Variants in TLDC2 observed in about 807,000 individuals in gnomAD.
TLDC2 encodes the protein TBC/LysM-associated domain containing 2, also known as TLD domain-containing protein 2.
TLDC2 carries 23 observed loss-of-function variants against 27.9 expected under a neutral mutation model. The ratio of observed to expected loss-of-function variants is 0.82; its 90% CI spans 0.59 to 1.17. The LOEUF is 1.17. Among genes scored for constraint, TLDC2 ranks in the 50% most tolerant of loss-of-function variants. TLDC2 has a pLI of 0.00. For synonymous variants in TLDC2, 124 were observed against 107.4 expected (o/e 1.16, Z -0.96); for missense variants, 286 against 273.4 (o/e 1.05, Z -0.32).
At position 36,893,042 on chromosome 20, in the gene TLDC2, T is replaced by TGAGTGGG; in HGVS notation, c.*200_*206dup. 6.2e-7 allele frequency: 1 copy of TGAGTGGG among 1,613,784 alleles called. No homozygotes were observed. Among genetic ancestry groups the TGAGTGGG allele is most frequent in the East Asian group, 2.2e-5 (1 of 44,882 alleles). On this transcript the variant is annotated 3_prime_UTR_variant, in exon 7 of 7. Transcript: ENST00000217320. ...TTCCATTCCTTTTTTTGAGGTGTTATGAGTGGGGCTATAACATCGCCATCC... is the reference window on the plus strand; with the variant it reads ...TTCCATTCCTTTTTTTGAGGTGTTATGAGTGGGGAGTGGGGCTATAACATCGCCATCC...
intron 4 of TLDC2, among the ~76,000 whole-genome samples, chr20:36,886,090 C>G (rs1261933881): frequency 2.6e-5 from 4 of 152,240 alleles, no homozygotes; most frequent in African/African-American, 9.6e-5. Flanking sequence ...GAGAGAAAAT[C>G]AGGGGTTAGA....
At chr20:36,892,789 A>C in intron 6 of TLDC2, 73 bp from the exon 7 acceptor site, 1 of 1,053,028 alleles carries the variant, frequency 9.5e-7, no homozygotes, top group South Asian at 1.3e-5. Context: ...TCTTTGATTA[A>C]AAGTTACTTA....
intron 4 of TLDC2, among the ~76,000 whole-genome samples, chr20:36,881,498 G>A (rs1379139856): frequency 6.6e-6 from 1 of 152,190 alleles, no homozygotes; most frequent in Non-Finnish European, 1.5e-5. Context: ...CACCGGAGCA[G>A]CAGAAGCGCC....
At chr20:36,883,281 C>T (rs1197592596) in intron 4 of TLDC2, among the ~76,000 whole-genome samples, 1 of 152,026 alleles carries the variant, frequency 6.6e-6, no homozygotes, top group African/African-American at 2.4e-5. Flanking sequence ...GGACTCCAGG[C>T]ACATGCCACC....
intron 4 of TLDC2, among the ~76,000 whole-genome samples, chr20:36,883,407 T>C (rs1021143635): frequency 6.6e-6 from 1 of 151,984 alleles, no homozygotes; most frequent in East Asian, 1.9e-4. Context: ...AAAGTGCTGG[T>C]ATTACAGACA....
chr20:36,882,665 G>C (rs1268064630), intron 4 of TLDC2, among the ~76,000 whole-genome samples: 1 of 152,170 alleles, frequency 6.6e-6, no homozygotes, highest in Non-Finnish European at 1.5e-5. Context: ...ATGACAGGGA[G>C]TTCACAAGGA....
At chr20:36,892,145 C>G (rs886232761) in intron 6 of TLDC2, 1 of 152,308 alleles carries the variant, frequency 6.6e-6, no homozygotes, top group African/African-American at 2.4e-5. Context: ...CAACAAGAGG[C>G]GGCTTTATGT....
Position 36,892,933 on chromosome 20 carries a change from C to G in TLDC2, c.*89C>G. On this transcript the variant is annotated 3_prime_UTR_variant, in exon 7 of 7. Coordinates refer to ENST00000217320, the MANE Select transcript of TLDC2 (RefSeq NM_080628.3). ...TTGTAAACAACTGACTACAGACATT[C>G]ACATTGGGTCATCTTTAAAAAGCTG... 6.2e-7 allele frequency: 1 copy of G among 1,613,896 alleles called. No homozygotes were observed. Among genetic ancestry groups the G allele is most frequent in the Non-Finnish European group, 8.5e-7 (1 of 1,180,024 alleles).
rs780606650 is a variant in TLDC2 at position 36,877,973 on chromosome 20, C to G, written c.108C>G (p.Asp36Glu). The G allele has an allele frequency of 4.3e-6, 7 of 1,614,028 alleles. No homozygotes were observed. The highest frequency in any genetic ancestry group is 3.3e-5 in the South Asian group (3 of 91,090). Residue 36 changes from aspartate to glutamate, a missense_variant, in exon 2 of 7, where the codon GAC (aspartate) becomes GAG (glutamate). By Grantham distance (45) the Asp-to-Glu change is conservative (BLOSUM62 2). Transcript: ENST00000217320. ...AAGAGGAGGAGGAGGCAGCTCCAGA[C>G]CCAGCTGCTGCTCCTGAGGATCCCA... ...EEEEEEEAAPDPAAAPEDPTV... is the reference protein window; with the variant it reads ...EEEEEEEAAPEPAAAPEDPTV...
chr20:36,880,071 A>ATATATATATATATATATT (rs1491421336), intron 3 of TLDC2, among the ~76,000 whole-genome samples: 1 of 32,404 alleles, frequency 3.1e-5, no homozygotes, highest in Non-Finnish European at 5.1e-5. Context: ...ATATATATAC[A>ATATATATATATATATATT]TATATATATA....
At chr20:36,889,444 C>T in intron 6 of TLDC2, 41 bp downstream of exon 6, 1 of 1,586,510 alleles carries the variant, frequency 6.3e-7, no homozygotes, top group Non-Finnish European at 8.6e-7. Context: ...GCCTTCCTGA[C>T]ACACAGCAGC....
intron 2 of TLDC2, 86 bp from the exon 3 acceptor site, chr20:36,878,955 G>C: frequency 6.3e-7 from 1 of 1,595,834 alleles, no homozygotes. Context: ...TGTGCTGGAT[G>C]CATGCTAGCT....
At chr20:36,881,446 G>A (rs1023386816) in intron 4 of TLDC2, among the ~76,000 whole-genome samples, 60 of 152,226 alleles carry the variant, frequency 3.9e-4, no homozygotes, top group Middle Eastern at 3.4e-3. Flanking sequence ...CCGGTATCGC[G>A]GTCATCACAG....
chr20:36,881,590 C>T (rs938119688), intron 4 of TLDC2, among the ~76,000 whole-genome samples: 4 of 152,138 alleles, frequency 2.6e-5, no homozygotes, highest in African/African-American at 9.7e-5. Context: ...CGCAGGCCTG[C>T]AGAGGGGACA....
chr20:36,890,919 A>G (rs1170635132), intron 6 of TLDC2: 1 of 152,262 alleles, frequency 6.6e-6, no homozygotes, highest in Non-Finnish European at 1.5e-5. Context: ...CAATGATACA[A>G]TATTAGGACT....
rs372293425 is a variant in TLDC2, at chr20:36,877,380, CA to C, written c.34-503del. 6.8e-3 allele frequency among the ~76,000 whole-genome samples: 647 copies of C among 94,624 alleles called. 2 individuals carry two copies. The highest frequency in any genetic ancestry group is 0.011 in the East Asian group (29 of 2,740). The allele number at this position is 94,624 out of a possible 152,430, so 62.1% of individuals were successfully genotyped here. ...TGGGTGACAGAGCAAGACCCTGTCT[CA>C]AAAAAAAAAAAAAAAGGAAAAAGAA... On this transcript the variant is annotated intron_variant, in intron 1 of 6. Coordinates refer to ENST00000217320, the MANE Select transcript of TLDC2 (RefSeq NM_080628.3).
rs1289201517 is a variant in TLDC2, at chr20:36,889,414, C to A, written c.*17+11C>A. On this transcript the variant is annotated intron_variant, in intron 6 of 6. Coordinates refer to ENST00000217320, the MANE Select transcript of TLDC2 (RefSeq NM_080628.3). ...GCCCTGCGGCAACAGGTACTCAGCC[C>A]TGCTCATGATGCCACCCAGGCCTTC... 4.3e-6 allele frequency: 7 copies of A among 1,609,686 alleles called. No homozygotes were observed. The highest frequency in any genetic ancestry group is 5.9e-6 in the Non-Finnish European group (7 of 1,178,672).
chr20:36,879,327 G>C, intron 3 of TLDC2, 134 bp downstream of exon 3: 1 of 1,208,752 alleles, frequency 8.3e-7, no homozygotes, highest in Non-Finnish European at 1.1e-6. Context: ...ACTGATGATG[G>C]CAATGAGACC....
intron 3 of TLDC2, among the ~76,000 whole-genome samples, chr20:36,880,324 C>G (rs974417531): frequency 1.3e-5 from 2 of 151,760 alleles, no homozygotes; most frequent in African/African-American, 2.4e-5. Context: ...GAACTCCTGA[C>G]CTCAGGTGAT....
Sources: gnomAD v4.1 joint callset for allele counts (sites outside exome capture counted in the v4.1 genomes callset) on GRCh38, gnomAD v4.1.1 for gene constraint, MANE v1.5 for transcripts, NCBI Gene and HGNC (gene_info 2026-07-23, HGNC 2026-07-21) for gene names.